The following NUP98 variants were observed in gnomAD, a reference collection of about 807,000 sequenced individuals.
NUP98 encodes the protein nuclear pore complex protein Nup98-Nup96.
In NUP98, 26 loss-of-function variants were observed where a neutral mutation model predicts 191.9. The observed-to-expected ratio is 0.14, with a 90% CI of 0.10 to 0.19. The LOEUF is 0.19. Ranked by LOEUF, NUP98 falls within the 10% of genes least tolerant of loss-of-function variation. The pLI is 1.00. For synonymous variants in NUP98, 808 were observed against 778.4 expected (o/e 1.04, Z -0.63); for missense variants, 1,941 against 2,178.8 (o/e 0.89, Z 2.17).
intron 12 of NUP98, among the ~76,000 whole-genome samples, chr11:3,739,998 A>C (rs1227193441): frequency 6.6e-6 from 1 of 152,178 alleles, no homozygotes; most frequent in Non-Finnish European, 1.5e-5. Flanking sequence ...TAATATACGT[A>C]ATTTGTACTG....
chr11:3,777,200 T>C (rs1215361947), intron 4 of NUP98, among the ~76,000 whole-genome samples: 1 of 152,118 alleles, frequency 6.6e-6, no homozygotes, highest in Non-Finnish European at 1.5e-5. Flanking sequence ...TTACAGAAAC[T>C]AATAAAGAAA....
chr11:3,720,850 C>G, intron 16 of NUP98, 25 bp from the exon 17 acceptor site: 1 of 527,772 alleles, frequency 1.9e-6, no homozygotes. Flanking sequence ...AAAAAAAAAA[C>G]AGAAAAAAAA....
In NUP98 at chr11:3,793,419, C is replaced by G. The variant is rs1221756311; in HGVS notation, c.-29+3981G>C. ...ATTCTCTGCCTCAGCCTCCCAGTAG[C>G]TGGGACTACAGGTGCGTGTCACTGT... is the stretch of plus-strand genomic sequence containing the variant. On this transcript the variant is annotated intron_variant, in intron 1 of 32. Coordinates refer to ENST00000324932, the MANE Select transcript of NUP98 (RefSeq NM_016320.5). 1.6e-4 allele frequency among the ~76,000 whole-genome samples: 24 copies of G among 151,974 alleles called. No homozygotes were observed. The South Asian group carries it at 1.7e-3, about 11-fold the overall frequency.
rs1393682388 is a variant in NUP98 at position 3,695,491 on chromosome 11, C to T, written c.4125G>A (p.Gln1375=). 6.2e-7 allele frequency: 1 copy of T among 1,605,296 alleles called. No individual in the cohort carries two copies. The highest frequency in any genetic ancestry group is 1.1e-5 in the South Asian group (1 of 89,644). Residue 1375 remains glutamine (Q), a synonymous_variant, in exon 26 of 33, where the codon CAG becomes CAA. Transcript: ENST00000324932. ...WHQLQADSFI[Q]DERLRIFALL... ...GAGCAAAGATGCGCAGTCTCTCATC[C>T]TGGATGAAGGAGTCTGCTTGGAGCT...
chr11:3,725,078 G>A (rs1277416360), intron 15 of NUP98, 25 bp downstream of exon 15: 1 of 1,027,120 alleles, frequency 9.7e-7, no homozygotes, highest in Non-Finnish European at 1.5e-6. Context: ...CTACTAAGAA[G>A]AACTCAAAAC....
chr11:3,731,789 T>G (rs1411580815), intron 13 of NUP98, among the ~76,000 whole-genome samples: 1 of 152,184 alleles, frequency 6.6e-6, no homozygotes, highest in Non-Finnish European at 1.5e-5. Context: ...TCCAGAAGTA[T>G]TTTGGATTTT....
chr11:3,760,417 C>T lies in NUP98; in HGVS notation c.1174+122G>A, dbSNP rs776302287. ...GAACTTTTAAATATTTCCAATCATA[C>T]GAATCAGGAGAATAACGTGTGGTAT... is the stretch of plus-strand genomic sequence containing the variant. On this transcript the variant is annotated intron_variant, in intron 10 of 32. Transcript: ENST00000324932. 1.1e-5 allele frequency: 15 copies of T among 1,394,928 alleles called. No homozygotes were observed. In the African/African-American group the frequency reaches 1.6e-4, roughly 15 times the overall value. 86.4% of individuals were successfully genotyped at this position (1,394,928 alleles called of 1,614,324 possible).
chr11:3,718,590 G>A (rs775567710), intron 18 of NUP98, among the ~76,000 whole-genome samples: 4 of 151,928 alleles, frequency 2.6e-5, no homozygotes, highest in Admixed American at 6.6e-5. Flanking sequence ...GAAAAGAAGC[G>A]GAAGGGGAAA....
At chr11:3,787,551 T>A (rs1054000971) in intron 1 of NUP98, among the ~76,000 whole-genome samples, 3 of 151,240 alleles carry the variant, frequency 2.0e-5, no homozygotes, top group African/African-American at 7.3e-5. Context: ...CCAGCCTGGG[T>A]AACAGAGCAA....
At position 3,723,137 on chromosome 11, in the gene NUP98, T is replaced by A. The variant is rs528387219; in HGVS notation, c.2146+20A>T. The A allele has an allele frequency of 3.7e-6, 6 of 1,609,216 alleles. No homozygotes were observed. The highest frequency in any genetic ancestry group is 1.7e-5 in the Admixed American group (1 of 59,754). ...CGAATGACTGGTAAGAGATTAAACATGCACCAATCTGAACCTGACCTGCTG... is the reference window on the plus strand; with the variant it reads ...CGAATGACTGGTAAGAGATTAAACAAGCACCAATCTGAACCTGACCTGCTG... On this transcript the variant is annotated intron_variant, in intron 16 of 32. Coordinates refer to ENST00000324932, the MANE Select transcript of NUP98 (RefSeq NM_016320.5).
chr11:3,687,293 T>A (rs1250251912), intron 28 of NUP98, among the ~76,000 whole-genome samples: 1 of 152,196 alleles, frequency 6.6e-6, no homozygotes, highest in Non-Finnish European at 1.5e-5. Flanking sequence ...AAGTTCTCTA[T>A]CAGATCTACG....
intron 12 of NUP98, among the ~76,000 whole-genome samples, chr11:3,743,827 G>T (rs1414887450): frequency 6.6e-6 from 1 of 151,696 alleles, no homozygotes. Context: ...GCCGAGGTGG[G>T]CGGATCACGA....
Position 3,712,629 on chromosome 11 carries a change from G to A in NUP98, c.2677C>T (p.Pro893Ser). 1 of 1,613,932 alleles carries A rather than the reference G, an allele frequency of 6.2e-7. No individual in the cohort carries two copies. The highest frequency in any genetic ancestry group is 8.5e-7 in the Non-Finnish European group (1 of 1,180,004). The change falls in exon 20 of 33, where the codon CCT becomes TCT. Residue 893 changes from proline to serine, a missense_variant. Around this residue, in one of 6 missense-constraint regions of NUP98, gnomAD observed 1,030 missense variants for 1,115.8 expected, o/e 0.92. Coordinates refer to ENST00000324932, the MANE Select transcript of NUP98 (RefSeq NM_016320.5). The part of the protein sequence containing the change: ...STKKLKTAPL[P>S]PASQTTPLQM... ...AAGGGCGTAGTCTGGCTTGCAGGAG[G>A]CAAAGGAGCAGTCTTCAACTTCTTT...
At position 3,793,080 on chromosome 11, in the gene NUP98, C is replaced by T. The variant is rs111823100; in HGVS notation, c.-29+4320G>A. ...ACGCTGAGATAGCGCCACTGCACTC[C>T]GACTTGGGCGACAGAGCACGACTCC... is the stretch of plus-strand genomic sequence containing the variant. On this transcript the variant is annotated intron_variant, in intron 1 of 32. Transcript: ENST00000324932. Among the ~76,000 whole-genome samples the T allele has an allele frequency of 2.3e-3, 342 of 151,584 alleles. 3 individuals are homozygous for T. Among genetic ancestry groups the T allele is most frequent in the African/African-American group, 7.8e-3 (321 of 40,986 alleles).
At chr11:3,712,837 A>G in intron 19 of NUP98, 109 bp from the exon 20 acceptor site, 1 of 1,172,840 alleles carries the variant, frequency 8.5e-7, no homozygotes, top group Non-Finnish European at 1.2e-6. Context: ...AAAGGGGAGA[A>G]ATATCTAAGT....
At chr11:3,708,008 G>C (rs760880747) in intron 20 of NUP98, among the ~76,000 whole-genome samples, 3 of 152,032 alleles carry the variant, frequency 2.0e-5, no homozygotes, top group African/African-American at 4.8e-5. Context: ...GGCTGAGGCA[G>C]GAAAATTGCT....
intron 13 of NUP98, among the ~76,000 whole-genome samples, chr11:3,733,095 T>C (rs766157302): frequency 6.6e-6 from 1 of 152,258 alleles, no homozygotes; most frequent in Non-Finnish European, 1.5e-5. Context: ...TCTACTTCAA[T>C]AGTTTTTAGT....
intron 11 of NUP98, among the ~76,000 whole-genome samples, chr11:3,746,555 G>A (rs1336666311): frequency 3.3e-5 from 5 of 151,700 alleles, no homozygotes; most frequent in Admixed American, 2.0e-4. Context: ...ATCCCTGGAC[G>A]ATGACCCATG....
intron 1 of NUP98, among the ~76,000 whole-genome samples, chr11:3,788,665 G>C (rs568174898): frequency 6.6e-6 from 1 of 152,260 alleles, no homozygotes; most frequent in East Asian, 1.9e-4. Context: ...ACTGTATAAG[G>C]CTGGGCACGG....
Sources: allele counts gnomAD v4.1 joint callset (sites outside exome capture counted in the v4.1 genomes callset), GRCh38; gene constraint gnomAD v4.1.1; regional missense constraint gnomAD v4.1.1; transcripts MANE v1.5; gene names NCBI Gene and HGNC (gene_info 2026-07-23, HGNC 2026-07-21).